The following SUGCT variants were observed in gnomAD, a reference collection of about 807,000 sequenced individuals.
SUGCT encodes succinyl-CoA:glutarate-CoA transferase.
SUGCT carries 41 observed loss-of-function variants against 55.0 expected under a neutral mutation model. The observed-to-expected ratio is 0.74, with a 90% CI of 0.58 to 0.97. The LOEUF is 0.97. Among genes scored for constraint, SUGCT ranks in the 50% least tolerant of loss-of-function variants. SUGCT has a pLI of 0.00. For synonymous variants in SUGCT, 187 were observed against 200.4 expected, an observed-to-expected ratio of 0.93 and a Z score of 0.56; for missense variants, 568 against 547.8, an observed-to-expected ratio of 1.04 and a Z score of -0.37.
At chr7:40,579,166 A>G (rs1584036838) in intron 12 of SUGCT, among the ~76,000 whole-genome samples, 1 of 152,232 alleles carries the variant, frequency 6.6e-6, no homozygotes, top group Middle Eastern at 3.4e-3. Flanking sequence ...TGCCATTAGA[A>G]CCTCAGAAAA....
the SUGCT span, among the ~76,000 whole-genome samples, chr7:40,897,526 C>T: frequency 6.6e-6 from 1 of 151,902 alleles, no homozygotes; most frequent in Non-Finnish European, 1.5e-5. Context: ...TTTAACCATT[C>T]AGGGATAGGA....
At chr7:40,135,237 C>A in intron 1 of SUGCT, 117 bp downstream of exon 1, 1 of 1,245,538 alleles carries the variant, frequency 8.0e-7, no homozygotes, top group Non-Finnish European at 1.1e-6. Flanking sequence ...TTAGCGGTGG[C>A]TTTGCTCGCC....
At chr7:40,756,302 T>A (rs541778780) in intron 13 of SUGCT, among the ~76,000 whole-genome samples, 1 of 152,290 alleles carries the variant, frequency 6.6e-6, no homozygotes, top group South Asian at 2.1e-4. Context: ...TATTAGATAA[T>A]CAAAAACTTG....
intron 12 of SUGCT, among the ~76,000 whole-genome samples, chr7:40,597,156 A>G (rs180890468): frequency 6.6e-6 from 1 of 152,340 alleles, no homozygotes; most frequent in Admixed American, 6.5e-5. Flanking sequence ...TCTGTTTTCC[A>G]TCGGATTCTG....
the SUGCT span, among the ~76,000 whole-genome samples, chr7:41,024,792 C>T: frequency 1.3e-5 from 2 of 152,112 alleles, no homozygotes; most frequent in Non-Finnish European, 2.9e-5. Flanking sequence ...CAAACTGCTC[C>T]CAACTGAGGC....
intron 13 of SUGCT, among the ~76,000 whole-genome samples, chr7:40,798,841 T>G (rs1171225528): frequency 6.6e-6 from 1 of 152,196 alleles, no homozygotes; most frequent in Non-Finnish European, 1.5e-5. Context: ...ACAGTACATT[T>G]TTTTCTTTCT....
intron 6 of SUGCT, among the ~76,000 whole-genome samples, chr7:40,214,335 T>G (rs1432014344): frequency 1.3e-5 from 2 of 152,216 alleles, no homozygotes; most frequent in Non-Finnish European, 2.9e-5. Flanking sequence ...TTATTAAATG[T>G]TAGTCACTGT....
intron 12 of SUGCT, among the ~76,000 whole-genome samples, chr7:40,715,432 C>T (rs755476438): frequency 6.6e-6 from 1 of 152,142 alleles, no homozygotes; most frequent in African/African-American, 2.4e-5. Flanking sequence ...TCTTCCACTA[C>T]AGGATGGAAG....
At chr7:40,948,088 T>C in the SUGCT span, among the ~76,000 whole-genome samples, 6 of 152,228 alleles carry the variant, frequency 3.9e-5, no homozygotes, top group African/African-American at 1.2e-4. Flanking sequence ...GCCCTTTAGA[T>C]TGTTTGTTTT....
At chr7:40,736,261 T>A (rs7800337) in intron 12 of SUGCT, among the ~76,000 whole-genome samples, 2,211 of 69,426 alleles carry the variant, frequency 0.032, 23 homozygotes, top group African/African-American at 0.049. Context: ...ATTATAATAT[T>A]TCAATATATA....
chr7:40,531,016 G>A (rs1055537471), intron 12 of SUGCT, among the ~76,000 whole-genome samples: 3 of 152,190 alleles, frequency 2.0e-5, no homozygotes, highest in African/African-American at 4.8e-5. Context: ...GGAGCCTAGC[G>A]AATGGGCTGA....
chr7:40,954,738 C>G, the SUGCT span, among the ~76,000 whole-genome samples: 1 of 152,086 alleles, frequency 6.6e-6, no homozygotes, highest in Non-Finnish European at 1.5e-5. Context: ...GTGATATTCC[C>G]TAGGTTTTCT....
intron 11 of SUGCT, among the ~76,000 whole-genome samples, chr7:40,473,603 G>C (rs1339496763): frequency 6.6e-6 from 1 of 152,002 alleles, no homozygotes; most frequent in African/African-American, 2.4e-5. Context: ...AGTTAGAAGA[G>C]TGTGGCTGTG....
chr7:40,613,199 A>G (rs1798844017), intron 12 of SUGCT, among the ~76,000 whole-genome samples: 1 of 152,070 alleles, frequency 6.6e-6, no homozygotes, highest in Non-Finnish European at 1.5e-5. Flanking sequence ...GAGAGTCTGT[A>G]TGTGTGAAGC....
chr7:41,009,840 A>C, the SUGCT span, among the ~76,000 whole-genome samples: 1 of 152,244 alleles, frequency 6.6e-6, no homozygotes, highest in Admixed American at 6.5e-5. Flanking sequence ...ACTCTGGGCT[A>C]TACTGAAGAC....
chr7:40,863,097 G>T (rs2128811025), downstream of SUGCT, among the ~76,000 whole-genome samples: 1 of 152,210 alleles, frequency 6.6e-6, no homozygotes, highest in East Asian at 1.9e-4. Flanking sequence ...AAATTAGCCA[G>T]GCGTGGTGGG....
At chr7:40,658,240 C>T (rs769481104) in intron 12 of SUGCT, among the ~76,000 whole-genome samples, 40 of 152,094 alleles carry the variant, frequency 2.6e-4, no homozygotes, top group Admixed American at 4.6e-4. Context: ...TGTATAACCT[C>T]GTTATTGAGG....
In SUGCT at chr7:40,522,697, G is replaced by A. The variant is rs114501530; in HGVS notation, c.1089+26311G>A. Among the ~76,000 whole-genome samples, 438 of 152,164 alleles carry A rather than the reference G, an allele frequency of 2.9e-3. 4 individuals are homozygous for A. The highest frequency in any genetic ancestry group is 9.8e-3 in the African/African-American group (408 of 41,532). On this transcript the variant is annotated intron_variant, in intron 12 of 13. Coordinates refer to ENST00000335693, the MANE Select transcript of SUGCT (RefSeq NM_001193313.2). ...TCCATCCAGGCAGTAGCTAGACTGA[G>A]TTCTTCTTTTTCCTCTTAGTTTTAA...
chr7:40,663,778 A>G (rs1801459587), intron 12 of SUGCT, among the ~76,000 whole-genome samples: 1 of 152,144 alleles, frequency 6.6e-6, no homozygotes, highest in East Asian at 1.9e-4. Context: ...TCGAAGGGTA[A>G]TCCATGGCCC....
Sources: allele counts gnomAD v4.1 joint callset (sites outside exome capture counted in the v4.1 genomes callset), GRCh38; gene constraint gnomAD v4.1.1; transcripts MANE v1.5; gene names NCBI Gene and HGNC (gene_info 2026-07-23, HGNC 2026-07-21).